Variants in TLE6 observed in about 807,000 individuals in gnomAD.
TLE6 encodes transducin-like enhancer protein 6.
In TLE6, 72 loss-of-function variants were observed where a neutral mutation model predicts 77.1. The observed-to-expected ratio is 0.93, with a 90% CI of 0.77 to 1.14. The LOEUF is 1.14. Among genes scored for constraint, TLE6 ranks in the 50% most tolerant of loss-of-function variants. TLE6 has a pLI of 0.00. For synonymous variants in TLE6, 366 were observed against 287.3 expected (o/e 1.27, Z -2.77); for missense variants, 843 against 747.6 (o/e 1.13, Z -1.49).
Position 2,995,052 on chromosome 19 carries a change from C to A in TLE6, c.*48C>A, listed in dbSNP as rs532579208. 7.7e-5 allele frequency: 86 copies of A among 1,113,572 alleles called. No homozygotes were observed. Among genetic ancestry groups the A allele is most frequent in the Non-Finnish European group, 7.6e-5 (60 of 784,564 alleles). The allele number at this position is 1,113,572 out of a possible 1,614,324, so 69.0% of individuals were successfully genotyped here. On this transcript the variant is annotated 3_prime_UTR_variant, in exon 17 of 17. Coordinates refer to ENST00000246112, the MANE Select transcript of TLE6 (RefSeq NM_001143986.2). The stretch of plus-strand genomic sequence containing the variant: ...ACTCCGGCTCCTCTTTTCATCCCCC[C>A]CCTTCCCCCCCCCCAACAAGGGGGA...
intron 12 of TLE6, 108 bp downstream of exon 12, chr19:2,989,421 G>A: frequency 6.4e-7 from 1 of 1,573,858 alleles, no homozygotes; most frequent in Non-Finnish European, 8.6e-7. Flanking sequence ...CAGGGAAAAG[G>A]GGCATAATAG....
At chr19:2,994,200 G>C in intron 16 of TLE6, 105 bp downstream of exon 16, 1 of 911,760 alleles carries the variant, frequency 1.1e-6, no homozygotes, top group Non-Finnish European at 1.7e-6. Context: ...AAGTAGCCAG[G>C]TGTGGTGGCT....
At position 2,995,145 on chromosome 19, in the gene TLE6, C is replaced by T. The variant is rs897061277; in HGVS notation, c.*141C>T. On this transcript the variant is annotated 3_prime_UTR_variant, in exon 17 of 17. Transcript: ENST00000246112. ...GATCTAGTCTGTGGTGTAGACTGGT[C>T]GCCATCACGTGTAATAAAGCACCCG... 3.2e-5 allele frequency: 17 copies of T among 532,122 alleles called. No homozygotes were observed. The highest frequency in any genetic ancestry group is 8.0e-5 in the South Asian group (3 of 37,600). 33.0% of individuals were successfully genotyped at this position (532,122 alleles called of 1,614,324 possible).
intron 3 of TLE6, among the ~76,000 whole-genome samples, chr19:2,981,083 C>T (rs999162367): frequency 3.4e-5 from 5 of 149,096 alleles, no homozygotes; most frequent in Non-Finnish European, 7.4e-5. Context: ...TGGCGGGGCG[C>T]GGTGGCTCAA....
chr19:2,988,656 T>C (rs1241933626), intron 11 of TLE6, among the ~76,000 whole-genome samples: 2 of 152,134 alleles, frequency 1.3e-5, no homozygotes, highest in South Asian at 2.1e-4. Context: ...CTCAAGGCAT[T>C]TGGGGAAGAC....
intron 16 of TLE6, among the ~76,000 whole-genome samples, chr19:2,994,564 T>C (rs2089165533): frequency 2.0e-5 from 3 of 151,844 alleles, no homozygotes; most frequent in Admixed American, 1.3e-4. Context: ...GAGCCAAGAT[T>C]GTGCCACTGC....
intron 13 of TLE6, 23 bp downstream of exon 13, chr19:2,989,808 G>A (rs2089004332): frequency 6.2e-7 from 1 of 1,611,604 alleles, no homozygotes; most frequent in Non-Finnish European, 8.5e-7. Context: ...GGTGGGAAGG[G>A]GAAGCATCCT....
intron 13 of TLE6, among the ~76,000 whole-genome samples, chr19:2,991,395 T>TACACACACACAC (rs373594184): frequency 1.7e-4 from 19 of 114,092 alleles, no homozygotes; most frequent in South Asian, 8.3e-4. Flanking sequence ...TATATATATA[T>TACACACACACAC]ACACACACAC....
intron 11 of TLE6, 145 bp from the exon 12 acceptor site, chr19:2,988,916 T>A (rs766894879): frequency 8.2e-6 from 5 of 609,506 alleles, no homozygotes; most frequent in African/African-American, 1.0e-4. Context: ...AGCAGGACAT[T>A]GAGGGGAGTC....
intron 2 of TLE6, among the ~76,000 whole-genome samples, chr19:2,979,446 T>C (rs1409527535): frequency 6.6e-6 from 1 of 151,264 alleles, no homozygotes; most frequent in Non-Finnish European, 1.5e-5. Flanking sequence ...GGGGTTTTGC[T>C]GAGTTGCCCA....
chr19:2,994,854 G>T, intron 16 of TLE6, 46 bp from the exon 17 acceptor site: 5 of 1,122,250 alleles, frequency 4.5e-6, no homozygotes, highest in Non-Finnish European at 5.3e-6. Flanking sequence ...GAGACCAGGG[G>T]TGTGTGAGCC....
chr19:2,993,681 C>T, intron 15 of TLE6, 99 bp downstream of exon 15: 2 of 1,427,632 alleles, frequency 1.4e-6, no homozygotes, highest in South Asian at 2.9e-5. Flanking sequence ...TCTAGGACAC[C>T]TCAGAACCCT....
intron 5 of TLE6, among the ~76,000 whole-genome samples, chr19:2,985,241 C>T (rs2088882542): frequency 2.0e-5 from 3 of 151,822 alleles, no homozygotes; most frequent in African/African-American, 2.4e-5. Flanking sequence ...CAGAGCAAGA[C>T]TGTCTCAAAA....
rs750065396 is a variant in TLE6, at chr19:2,994,989, C to T, written c.1704C>T (p.Tyr568=). 31 of 1,607,110 alleles carry T rather than the reference C, an allele frequency of 1.9e-5. No individual in the cohort carries two copies. The highest frequency in any genetic ancestry group is 2.5e-5 in the Non-Finnish European group (29 of 1,177,362). Residue 568 remains tyrosine, a synonymous_variant, in exon 17 of 17, where the codon TAC becomes TAT. Transcript: ENST00000246112. ...VTGSGEHASV[Y]QITY ...GCTCCGGGGAGCACGCCTCCGTGTA[C>T]CAGATCACCTACTGAGGGGCCTCGC...
intron 2 of TLE6, 118 bp from the exon 3 acceptor site, chr19:2,979,978 AAAGC>A: frequency 1.4e-6 from 1 of 712,690 alleles, no homozygotes; most frequent in Non-Finnish European, 2.2e-6. Flanking sequence ...AAAAAAAAAA[AAAGC>A]AAAAACCACA....
chr19:2,982,783 A>G (rs376255910), intron 5 of TLE6, among the ~76,000 whole-genome samples: 1 of 152,254 alleles, frequency 6.6e-6, no homozygotes, highest in East Asian at 1.9e-4. Flanking sequence ...AGAGAGGGTC[A>G]GTCCTGCTCC....
intron 15 of TLE6, 49 bp downstream of exon 15, chr19:2,993,631 C>G (rs775072794): frequency 1.8e-5 from 28 of 1,516,038 alleles, no homozygotes; most frequent in Non-Finnish European, 2.5e-5. Context: ...CCCCCAGCCT[C>G]CCACAAGACC....
At position 2,978,292 on chromosome 19, in the gene TLE6, G is replaced by A; in HGVS notation, c.51+8G>A. On this transcript the variant is annotated splice_region_variant and intron_variant, in intron 2 of 16. Coordinates refer to ENST00000246112, the MANE Select transcript of TLE6 (RefSeq NM_001143986.2). ...CCCCCGAAAAGCACTTCGGTGAGGAGGGCATGTGGTGGGATCAGCCCTCAA... is the reference window on the plus strand; with the variant it reads ...CCCCCGAAAAGCACTTCGGTGAGGAAGGCATGTGGTGGGATCAGCCCTCAA... 1 of 1,551,326 alleles carries A rather than the reference G, an allele frequency of 6.4e-7. No homozygotes were observed. The highest frequency in any genetic ancestry group is 8.7e-7 in the Non-Finnish European group (1 of 1,146,960).
intron 13 of TLE6, among the ~76,000 whole-genome samples, chr19:2,991,189 A>G (rs970018012): frequency 6.7e-6 from 1 of 149,788 alleles, no homozygotes; most frequent in Admixed American, 6.7e-5. Context: ...GAGATACCCC[A>G]TCTCTACTAA....
Sources: allele counts gnomAD v4.1 joint callset (sites outside exome capture counted in the v4.1 genomes callset), GRCh38; gene constraint gnomAD v4.1.1; transcripts MANE v1.5; gene names NCBI Gene and HGNC (gene_info 2026-07-23, HGNC 2026-07-21).